The following LRIF1 variants were observed in gnomAD, a reference collection of about 807,000 sequenced individuals.
LRIF1 encodes the protein ligand-dependent nuclear receptor-interacting factor 1.
In LRIF1, 32 loss-of-function variants were observed where a neutral mutation model predicts 52.7. The ratio of observed to expected loss-of-function variants is 0.61; its 90% CI spans 0.46 to 0.82. LRIF1 has a LOEUF of 0.82. Ranked by LOEUF, LRIF1 falls within the 40% of genes least tolerant of loss-of-function variation. LRIF1 has a pLI of 0.00. For synonymous variants in LRIF1, 323 were observed against 317.4 expected, an observed-to-expected ratio of 1.02 and a Z score of -0.19; for missense variants, 887 against 892.0, an observed-to-expected ratio of 0.99 and a Z score of 0.07.
chr1:110,879,312 T>C, the LRIF1 span, among the ~76,000 whole-genome samples: 2 of 152,190 alleles, frequency 1.3e-5, no homozygotes, highest in African/African-American at 2.4e-5. Flanking sequence ...ATTTCAAAGA[T>C]ATAGTGAAAG....
At chr1:110,946,482 G>A (rs950771637), downstream of LRIF1, among the ~76,000 whole-genome samples, 1 of 151,956 alleles carries the variant, frequency 6.6e-6, no homozygotes, top group African/African-American at 2.4e-5. Context: ...TTAAAAAGCT[G>A]GATTTTACAG....
intron 1 of LRIF1, among the ~76,000 whole-genome samples, chr1:110,958,687 A>T (rs1262782767): frequency 2.6e-5 from 4 of 152,176 alleles, no homozygotes; most frequent in East Asian, 1.9e-4. Flanking sequence ...AGGAAGAAAA[A>T]TTAAGCTTCT....
chr1:110,951,823 T>A lies in LRIF1; in HGVS notation c.1061A>T (p.Asp354Val). ...GTRSKNMPIK[D>V]NALVMFNGKV... ...CCCATTAAACATAACCAAAGCATTA[T>A]CTTTAATAGGCATATTTTTGGATCG... is the stretch of plus-strand genomic sequence containing the variant. The change falls in exon 2 of 4, where the codon GAT (aspartate) becomes GTT (valine). Residue 354 changes from aspartate (D) to valine (V), a missense_variant. Asp to Val is a radical substitution (Grantham distance 152). Coordinates refer to ENST00000369763, the MANE Select transcript of LRIF1 (RefSeq NM_018372.4). The A allele has an allele frequency of 6.2e-7, 1 of 1,612,822 alleles. No homozygotes were observed. The highest frequency in any genetic ancestry group is 8.5e-7 in the Non-Finnish European group (1 of 1,180,026).
chr1:110,906,317 A>G, the LRIF1 span, among the ~76,000 whole-genome samples: 1 of 152,176 alleles, frequency 6.6e-6, no homozygotes, highest in Non-Finnish European at 1.5e-5. Context: ...AGGTTGAAGC[A>G]GAGGATTGCT....
At chr1:110,962,099 G>A (rs1486934247) in intron 1 of LRIF1, among the ~76,000 whole-genome samples, 4 of 93,970 alleles carry the variant, frequency 4.3e-5, no homozygotes, top group African/African-American at 1.1e-4. Context: ...CACACACAAA[G>A]TAAAGTTGTT....
chr1:110,918,703 T>C, the LRIF1 span, among the ~76,000 whole-genome samples: 12 of 152,164 alleles, frequency 7.9e-5, no homozygotes, highest in Admixed American at 1.3e-4. Flanking sequence ...CAAAAATGTA[T>C]TGAGCATTTA....
At chr1:110,950,420 T>C (rs1430981202) in intron 2 of LRIF1, among the ~76,000 whole-genome samples, 1 of 152,190 alleles carries the variant, frequency 6.6e-6, no homozygotes, top group Non-Finnish European at 1.5e-5. Flanking sequence ...AAATAACATA[T>C]ATGACATTAT....
the LRIF1 span, chr1:110,891,279 G>C: frequency 6.8e-6 from 5 of 738,020 alleles, no homozygotes; most frequent in South Asian, 4.7e-5. Flanking sequence ...TTCCAGAGGA[G>C]AGCCACAGCT....
the LRIF1 span, among the ~76,000 whole-genome samples, chr1:110,883,100 A>C: frequency 6.6e-6 from 1 of 151,976 alleles, no homozygotes; most frequent in Admixed American, 6.5e-5. Flanking sequence ...TGCCAAATAG[A>C]GTAGTTAAGA....
At chr1:110,933,177 A>G in the LRIF1 span, among the ~76,000 whole-genome samples, 1 of 152,202 alleles carries the variant, frequency 6.6e-6, no homozygotes, top group Admixed American at 6.5e-5. Flanking sequence ...CTCATCTTAT[A>G]TTTTCCTTGC....
At chr1:110,875,002 T>C in the LRIF1 span, among the ~76,000 whole-genome samples, 1 of 152,174 alleles carries the variant, frequency 6.6e-6, no homozygotes, top group Non-Finnish European at 1.5e-5. Flanking sequence ...CACAGCAATA[T>C]ACAAATACAG....
chr1:110,904,064 T>G, the LRIF1 span, among the ~76,000 whole-genome samples: 2 of 151,026 alleles, frequency 1.3e-5, no homozygotes, highest in East Asian at 1.9e-4. Flanking sequence ...GAGGGAAGAG[T>G]GGGGAAAACT....
chr1:110,949,050 A>G (rs1658338368), intron 3 of LRIF1, among the ~76,000 whole-genome samples: 1 of 152,152 alleles, frequency 6.6e-6, no homozygotes, highest in African/African-American at 2.4e-5. Context: ...AAAAAAATTA[A>G]AACATATCTT....
the LRIF1 span, among the ~76,000 whole-genome samples, chr1:110,893,025 C>T: frequency 6.6e-6 from 1 of 152,198 alleles, no homozygotes; most frequent in Non-Finnish European, 1.5e-5. Flanking sequence ...TAGGTGAGGG[C>T]TCTGGCTGCA....
At chr1:110,910,628 C>T in the LRIF1 span, among the ~76,000 whole-genome samples, 1 of 152,002 alleles carries the variant, frequency 6.6e-6, no homozygotes, top group East Asian at 1.9e-4. Flanking sequence ...ACAAAACAAA[C>T]CTGAAAATCA....
chr1:110,927,477 T>C, the LRIF1 span, among the ~76,000 whole-genome samples: 61 of 152,294 alleles, frequency 4.0e-4, no homozygotes, highest in African/African-American at 1.4e-3. Context: ...TATGTTGGTT[T>C]TTAGTGTCTC....
intron 1 of LRIF1, among the ~76,000 whole-genome samples, chr1:110,961,493 A>G (rs539717044): frequency 6.6e-6 from 1 of 152,174 alleles, no homozygotes; most frequent in Admixed American, 6.5e-5. Flanking sequence ...ACCATCACAA[A>G]TATCTTCCAG....
At chr1:110,946,970 A>G (rs1406808106), downstream of LRIF1, among the ~76,000 whole-genome samples, 3 of 151,860 alleles carry the variant, frequency 2.0e-5, no homozygotes, top group African/African-American at 4.8e-5. Context: ...TCATTTTTTA[A>G]TAACATTGTT....
chr1:110,922,929 C>G, the LRIF1 span, among the ~76,000 whole-genome samples: 1 of 152,178 alleles, frequency 6.6e-6, no homozygotes, highest in Non-Finnish European at 1.5e-5. Context: ...CTTATCTCCT[C>G]CATAGTCAAA....
Sources: gnomAD v4.1 joint callset for allele counts (sites outside exome capture counted in the v4.1 genomes callset) on GRCh38, gnomAD v4.1.1 for gene constraint, MANE v1.5 for transcripts, NCBI Gene and HGNC (gene_info 2026-07-23, HGNC 2026-07-21) for gene names.